The following ZNF717 variants were observed in gnomAD, a reference collection of about 807,000 sequenced individuals.
ZNF717 encodes krueppel-like factor X17.
In ZNF717, 9 loss-of-function variants were observed where a neutral mutation model predicts 13.8. The observed-to-expected ratio is 0.65, with a 90% CI of 0.39 to 1.14. ZNF717 has a LOEUF of 1.14. Ranked by LOEUF, ZNF717 falls within the 50% of genes most tolerant of loss-of-function variation. The pLI is 0.01. For missense variants in ZNF717, 1,040 were observed against 1,080.7 expected, an observed-to-expected ratio of 0.96 and a Z score of 0.53; for synonymous variants, 327 against 364.1, an observed-to-expected ratio of 0.90 and a Z score of 1.16.
At chr3:75,719,060 G>C (rs1158707366) in intron 4 of ZNF717, among the ~76,000 whole-genome samples, 1 of 152,150 alleles carries the variant, frequency 6.6e-6, no homozygotes, top group Non-Finnish European at 1.5e-5. Context: ...TTGGGAAGCT[G>C]AGGCAGGAGG....
chr3:75,741,490 T>C (rs1940427817), intron 3 of ZNF717, 120 bp downstream of exon 3: 4 of 1,361,600 alleles, frequency 2.9e-6, no homozygotes, highest in Admixed American at 2.0e-5. Flanking sequence ...TTCATTAGAG[T>C]AGTGACACAT....
At chr3:75,733,368 G>C (rs77106863), downstream of ZNF717, among the ~76,000 whole-genome samples, 1 of 152,332 alleles carries the variant, frequency 6.6e-6, no homozygotes, top group African/African-American at 2.4e-5. Context: ...CACCAGGCAG[G>C]ATACATGCCA....
intron 1 of ZNF717, 84 bp from the exon 2 acceptor site, chr3:75,783,448 CAT>C: frequency 9.2e-7 from 1 of 1,089,228 alleles, no homozygotes; most frequent in Non-Finnish European, 1.3e-6. Context: ...ACTCTAGACA[CAT>C]TACCTGGAAA....
At chr3:75,735,592 C>T (rs1203925509), downstream of ZNF717, among the ~76,000 whole-genome samples, 1 of 145,144 alleles carries the variant, frequency 6.9e-6, no homozygotes, top group Admixed American at 7.0e-5. Context: ...CTGCAGGGAG[C>T]CATGATCACA....
chr3:75,738,248 G>T lies in ZNF717; in HGVS notation c.1375C>A (p.Pro459Thr), dbSNP rs1375583283. 2 of 1,539,356 alleles carry T rather than the reference G, an allele frequency of 1.3e-6. No individual in the cohort carries two copies. The highest frequency in any genetic ancestry group is 2.5e-5 in the East Asian group (1 of 40,408). The change falls in exon 5 of 5, where the codon CCC (proline) becomes ACC (threonine). Residue 459 changes from proline (P) to threonine (T), a missense_variant. Physicochemically the swap from Pro to Thr is conservative, Grantham distance 38. Around this residue, in one of 3 missense-constraint regions of ZNF717, gnomAD observed 873 missense variants for 832.8 expected, o/e 1.05. Coordinates refer to ENST00000652011, the MANE Select transcript of ZNF717 (RefSeq NM_001290208.3). ...CTGAGGTTTGACTTATTGATAAAGGGTTTTCCACACTCATTACATTCATAC... is the reference window on the plus strand; with the variant it reads ...CTGAGGTTTGACTTATTGATAAAGGTTTTTCCACACTCATTACATTCATAC... ...KPYECNECGK[P>T]FINKSNLRLH...
chr3:75,774,905 C>T (rs932675355), intron 2 of ZNF717, among the ~76,000 whole-genome samples: 1 of 152,122 alleles, frequency 6.6e-6, no homozygotes, highest in African/African-American at 2.4e-5. Context: ...AGGCGTGAGC[C>T]ACTGCACCTG....
At position 75,738,213 on chromosome 3, in the gene ZNF717, C is replaced by G; in HGVS notation, c.1410G>C (p.Gln470His). The G allele has an allele frequency of 6.4e-7, 1 of 1,551,490 alleles. No homozygotes were observed. Among genetic ancestry groups the G allele is most frequent in the Non-Finnish European group, 8.7e-7 (1 of 1,143,392 alleles). ...AGGGTTTTTCCCCTGTGTGAGTTCT[C>G]TGATGTAACCTGAGGTTTGACTTAT... The part of the protein sequence containing the change: ...FINKSNLRLH[Q>H]RTHTGEKPYE... The change falls in exon 5 of 5, where the codon CAG becomes CAC. Residue 470 changes from glutamine to histidine, a missense_variant. Physicochemically the swap from Gln to His is conservative, Grantham distance 24. Coordinates refer to ENST00000652011, the MANE Select transcript of ZNF717 (RefSeq NM_001290208.3).
In ZNF717 at chr3:75,738,660, G is replaced by T; in HGVS notation, c.963C>A (p.Ser321Arg). ...GATGGATAATGAGGCTGGACTTATA[G>T]CTGAACAATTTTTCACACCAGTTAC... ...YACNWCEKLF[S>R]YKSSLIIHQR... Residue 321 changes from serine (S) to arginine (R), a missense_variant, in exon 5 of 5, where the codon AGC (serine) becomes AGA (arginine). Ser to Arg is a moderately radical substitution (Grantham distance 110). Coordinates refer to ENST00000652011, the MANE Select transcript of ZNF717 (RefSeq NM_001290208.3). The T allele has an allele frequency of 3.2e-6, 5 of 1,552,142 alleles. No homozygotes were observed. Among genetic ancestry groups the T allele is most frequent in the Non-Finnish European group, 3.5e-6 (4 of 1,147,312 alleles).
At chr3:75,741,007 CAG>C (rs1192856385) in intron 4 of ZNF717, among the ~76,000 whole-genome samples, 6 of 141,926 alleles carry the variant, frequency 4.2e-5, no homozygotes, top group African/African-American at 1.6e-4. Context: ...AAGGGGGAAA[CAG>C]AGAAAATAAA....
At chr3:75,775,753 TGAG>T (rs1036727442) in intron 2 of ZNF717, among the ~76,000 whole-genome samples, 2 of 150,092 alleles carry the variant, frequency 1.3e-5, no homozygotes, top group Non-Finnish European at 2.9e-5. Flanking sequence ...CTCGGGAGGC[TGAG>T]GAGGAGAATC....
Position 75,703,302 on chromosome 3 carries a change from G to C in ZNF717, n.1085+7885C>G, listed in dbSNP as rs1341369758. On this transcript the variant is annotated intron_variant and non_coding_transcript_variant, in intron 6 of 6. Coordinates refer to the ZNF717 transcript ENST00000648506. The stretch of plus-strand genomic sequence containing the variant: ...TCCCAGCAATTTGGGAGGCCAAGGT[G>C]GGCAGATCGCTTGTTTTCAGGGGTT... 3.9e-5 allele frequency among the ~76,000 whole-genome samples: 6 copies of C among 152,382 alleles called. No homozygotes were observed. The East Asian group carries it at 1.2e-3, about 30-fold the overall frequency.
chr3:75,717,054 G>T (rs1328190694), intron 4 of ZNF717, among the ~76,000 whole-genome samples: 1 of 152,120 alleles, frequency 6.6e-6, no homozygotes, highest in Non-Finnish European at 1.5e-5. Flanking sequence ...TGGTTTCCTG[G>T]GCTCAGTGCT....
At position 75,753,322 on chromosome 3, in the gene ZNF717, G is replaced by A. The variant is rs1284749471; in HGVS notation, c.58-11586C>T. 7.3e-5 allele frequency among the ~76,000 whole-genome samples: 11 copies of A among 150,208 alleles called. 1 individual carries two copies. The highest frequency in any genetic ancestry group is 2.1e-4 in the South Asian group (1 of 4,728). ...TTCTGAATGTTTGTCCCTCACATAG[G>A]ATTACAGAGCACTCCTGCTGTGGTC... On this transcript the variant is annotated intron_variant, in intron 2 of 4. Transcript: ENST00000652011.
chr3:75,719,292 A>AAAC (rs1938124289), intron 4 of ZNF717, among the ~76,000 whole-genome samples: 1 of 151,856 alleles, frequency 6.6e-6, no homozygotes, highest in Non-Finnish European at 1.5e-5. Flanking sequence ...CTCAAAAAAA[A>AAAC]AAAAAAGAAT....
chr3:75,713,386 A>G (rs1425495078), intron 5 of ZNF717, among the ~76,000 whole-genome samples: 1 of 152,048 alleles, frequency 6.6e-6, no homozygotes, highest in Non-Finnish European at 1.5e-5. Context: ...CCTGGGCTCA[A>G]GCGATCCACC....
chr3:75,744,009 T>C (rs1286720631), intron 2 of ZNF717, among the ~76,000 whole-genome samples: 1 of 152,198 alleles, frequency 6.6e-6, no homozygotes, highest in African/African-American at 2.4e-5. Context: ...CAATGGTACC[T>C]GAATCCATCA....
intron 2 of ZNF717, among the ~76,000 whole-genome samples, chr3:75,762,348 G>A (rs1392853693): frequency 1.3e-5 from 2 of 151,394 alleles, no homozygotes; most frequent in Non-Finnish European, 2.9e-5. Context: ...GGCTGAGGTT[G>A]GAGAATCGCT....
chr3:75,784,696 C>G (rs1945042951), intron 1 of ZNF717: 1 of 152,212 alleles, frequency 6.6e-6, no homozygotes, highest in African/African-American at 2.4e-5. Context: ...TCGTCCAAAC[C>G]TACCACTGTC....
chr3:75,737,431 A>G lies in ZNF717; in HGVS notation c.2192T>C (p.Met731Thr), dbSNP rs1385288674. The G allele has an allele frequency of 2.0e-5, 31 of 1,555,166 alleles. No individual in the cohort carries two copies. Among genetic ancestry groups the G allele is most frequent in the Admixed American group, 7.8e-5 (4 of 51,206 alleles). Residue 731 changes from methionine (M) to threonine (T), a missense_variant, in exon 5 of 5, where the codon ATG becomes ACG. Met to Thr is a moderately conservative substitution (Grantham distance 81). Transcript: ENST00000652011. ...IKVFTRGRNP[M>T]NVANVEKPCQ... ...AGGTTTTTCCACATTTGCTACATTC[A>G]TAGGGTTTCTCCCCCGTGTGAATAC...
Sources: gnomAD v4.1 joint callset for allele counts (sites outside exome capture counted in the v4.1 genomes callset) on GRCh38, gnomAD v4.1.1 for gene constraint, gnomAD v4.1.1 regional missense constraint, MANE v1.5 for transcripts, NCBI Gene and HGNC (gene_info 2026-07-23, HGNC 2026-07-21) for gene names.